The following DAPK1 variants were observed in gnomAD, a reference collection of about 807,000 sequenced individuals.
DAPK1 encodes death associated protein kinase 1, also known as death-associated protein kinase 1.
In DAPK1, 56 loss-of-function variants were observed where a neutral mutation model predicts 144.9. That is an observed-to-expected ratio of 0.39 (90% CI 0.31 to 0.48). The LOEUF is 0.48. DAPK1 is among the 20% of genes least tolerant of loss of function. DAPK1 has a pLI of 0.95. For synonymous variants in DAPK1, 690 were observed against 749.0 expected (o/e 0.92, Z 1.29); for missense variants, 1,454 against 1,875.4 (o/e 0.78, Z 4.15).
chr9:87,510,807 CACTTG>C (rs1184883913), intron 2 of DAPK1, among the ~76,000 whole-genome samples: 1 of 149,402 alleles, frequency 6.7e-6, no homozygotes, highest in Non-Finnish European at 1.5e-5. Flanking sequence ...TTGGGAAAGT[CACTTG>C]ACTTCTGTGA....
intron 2 of DAPK1, among the ~76,000 whole-genome samples, chr9:87,542,893 A>G (rs1826105020): frequency 6.6e-6 from 1 of 152,234 alleles, no homozygotes. Context: ...ATGGACATGC[A>G]TGAAATGGCA....
intron 2 of DAPK1, among the ~76,000 whole-genome samples, chr9:87,534,661 T>C (rs926429408): frequency 1.6e-4 from 24 of 151,814 alleles, no homozygotes; most frequent in Non-Finnish European, 2.9e-4. Context: ...TTTTTTTTTT[T>C]TGATACGGAG....
chr9:87,570,102 A>AT (rs34663541), intron 2 of DAPK1, among the ~76,000 whole-genome samples: 9 of 151,200 alleles, frequency 6.0e-5, no homozygotes, highest in Admixed American at 4.6e-4. Flanking sequence ...GTCACTTTCT[A>AT]TTTTTTTTTA....
intron 2 of DAPK1, among the ~76,000 whole-genome samples, chr9:87,571,587 G>C (rs964638977): frequency 3.3e-5 from 5 of 150,740 alleles, no homozygotes; most frequent in Non-Finnish European, 7.4e-5. Context: ...TCTCCCATTT[G>C]ATCTGTCTCC....
At chr9:87,673,085 G>A (rs1824234743) in intron 19 of DAPK1, among the ~76,000 whole-genome samples, 1 of 152,116 alleles carries the variant, frequency 6.6e-6, no homozygotes, top group African/African-American at 2.4e-5. Context: ...TGGGTGACTG[G>A]GAGGCCCTGT....
At chr9:87,702,878 G>GA (rs559193307) in intron 24 of DAPK1, 151 bp from the exon 25 acceptor site, 2,133 of 562,512 alleles carry the variant, frequency 3.8e-3, no homozygotes, top group South Asian at 6.6e-3. Flanking sequence ...TCTAAAAAAA[G>GA]AAAAAAAAAC....
chr9:87,527,346 T>G (rs1587688970), intron 2 of DAPK1, among the ~76,000 whole-genome samples: 1 of 152,338 alleles, frequency 6.6e-6, no homozygotes, highest in East Asian at 1.9e-4. Context: ...CACTGAATCC[T>G]TCCTCTCAGG....
chr9:87,589,055 A>ATTTTTTTTTTTTTTTTTTTTT (rs35875159), intron 2 of DAPK1, among the ~76,000 whole-genome samples: 1 of 101,200 alleles, frequency 9.9e-6, no homozygotes, highest in Non-Finnish European at 1.9e-5. Context: ...CGCCCGGCTA[A>ATTTTTTTTTTTTTTTTTTTTT]TTTTTTTTTT....
chr9:87,522,667 G>A (rs1393486548), intron 2 of DAPK1, among the ~76,000 whole-genome samples: 1 of 152,190 alleles, frequency 6.6e-6, no homozygotes, highest in Non-Finnish European at 1.5e-5. Flanking sequence ...TGGAATTGCT[G>A]GATGAAAGAG....
At chr9:87,508,406 G>A (rs866766969) in intron 2 of DAPK1, among the ~76,000 whole-genome samples, 156 of 148,094 alleles carry the variant, frequency 1.1e-3, no homozygotes, top group African/African-American at 3.7e-3. Flanking sequence ...GCAGTGGCGC[G>A]ATTTCGGCTC....
intron 2 of DAPK1, among the ~76,000 whole-genome samples, chr9:87,531,125 A>AT (rs990175509): frequency 3.3e-5 from 5 of 152,218 alleles, no homozygotes; most frequent in African/African-American, 1.2e-4. Flanking sequence ...CAAAAATATT[A>AT]TTTAAGGATA....
chr9:87,585,094 C>T (rs1239714195), intron 2 of DAPK1, among the ~76,000 whole-genome samples: 4 of 152,224 alleles, frequency 2.6e-5, no homozygotes, highest in African/African-American at 9.6e-5. Context: ...CACTCATTAT[C>T]AGATGTATAG....
chr9:87,557,088 G>C (rs1369113732), intron 2 of DAPK1, among the ~76,000 whole-genome samples: 1 of 152,158 alleles, frequency 6.6e-6, no homozygotes, highest in Non-Finnish European at 1.5e-5. Flanking sequence ...TTCCCTCTTG[G>C]CGGTGTTGCG....
intron 7 of DAPK1, among the ~76,000 whole-genome samples, chr9:87,640,074 T>C (rs1830043372): frequency 6.6e-6 from 1 of 152,234 alleles, no homozygotes; most frequent in Admixed American, 6.5e-5. Context: ...ACAGGTTTCC[T>C]TTAAACTACC....
chr9:87,681,367 TTCTGTCAC>T (rs779523164), intron 19 of DAPK1, 29 bp from the exon 20 acceptor site: 3 of 1,117,290 alleles, frequency 2.7e-6, no homozygotes, highest in Non-Finnish European at 4.1e-6. Flanking sequence ...TTGCCTCTTT[TTCTGTCAC>T]TCACTGGCTC....
At chr9:87,522,212 T>C (rs994339415) in intron 2 of DAPK1, among the ~76,000 whole-genome samples, 1 of 151,980 alleles carries the variant, frequency 6.6e-6, no homozygotes, top group Non-Finnish European at 1.5e-5. Flanking sequence ...ACAAGAGTTA[T>C]ATTTTTTTTC....
chr9:87,654,042 G>T (rs1460055708), intron 17 of DAPK1, among the ~76,000 whole-genome samples: 1 of 152,122 alleles, frequency 6.6e-6, no homozygotes, highest in African/African-American at 2.4e-5. Flanking sequence ...ATGGGCAAAA[G>T]TTCCTACTAC....
chr9:87,703,039 C>T lies in DAPK1; in HGVS notation c.2882C>T (p.Pro961Leu), dbSNP rs1825510874. The T allele has an allele frequency of 1.9e-6, 3 of 1,573,334 alleles. No individual in the cohort carries two copies. Among genetic ancestry groups the T allele is most frequent in the East Asian group, 4.5e-5 (2 of 44,696 alleles). Reference sequence around the variant, plus strand: ...CCCTGCCCCCTCTAGGTCTGTCCTCCCATGACTCACCTGTGTGAGAAAATC... The same window carrying T: ...CCCTGCCCCCTCTAGGTCTGTCCTCTCATGACTCACCTGTGTGAGAAAATC... ...IRSQIVSVCP[P>L]MTHLCEKIIS... Residue 961 changes from proline (P) to leucine (L), a missense_variant, in exon 25 of 26, where the codon CCC (proline) becomes CTC (leucine). Coordinates refer to ENST00000408954, the MANE Select transcript of DAPK1 (RefSeq NM_004938.4).
intron 2 of DAPK1, among the ~76,000 whole-genome samples, chr9:87,518,699 T>C (rs1186878975): frequency 6.6e-6 from 1 of 152,146 alleles, no homozygotes. Context: ...TTTCCTTATT[T>C]CTCTGTATCT....
Sources: gnomAD v4.1 joint callset for allele counts (sites outside exome capture counted in the v4.1 genomes callset) on GRCh38, gnomAD v4.1.1 for gene constraint, MANE v1.5 for transcripts, NCBI Gene and HGNC (gene_info 2026-07-23, HGNC 2026-07-21) for gene names.